The following LARGE1 variants were observed in gnomAD, a reference collection of about 807,000 sequenced individuals.
LARGE1 encodes xylosyl- and glucuronyltransferase LARGE1.
LARGE1 carries 43 observed loss-of-function variants against 87.6 expected under a neutral mutation model. The observed-to-expected ratio is 0.49, with a 90% confidence interval of 0.38 to 0.63. The LOEUF (loss-of-function observed/expected upper bound fraction) is 0.63. LARGE1 is among the 30% of genes least tolerant of loss of function. The probability of loss-of-function intolerance (pLI) is 0.00; values close to 1 mark genes in which losing one functional copy is unlikely to be tolerated. For synonymous variants in LARGE1, 434 were observed against 394.6 expected (o/e 1.10, Z -1.18); for missense variants, 802 against 1,000.2 (o/e 0.80, Z 2.67).
At chr22:33,483,814 G>T (rs1372537681) in intron 6 of LARGE1, among the ~76,000 whole-genome samples, 2 of 152,164 alleles carry the variant, frequency 1.3e-5, no homozygotes, top group Non-Finnish European at 2.9e-5. Context: ...AAGAATTGGA[G>T]ATCTGGAAGG....
intron 2 of LARGE1, among the ~76,000 whole-genome samples, chr22:33,689,021 T>C (rs1460375585): frequency 2.0e-5 from 3 of 152,180 alleles, no homozygotes; most frequent in Non-Finnish European, 4.4e-5. Context: ...ACATTAAGTA[T>C]CAAGCCCTGG....
chr22:33,700,655 T>C (rs1184806933), intron 2 of LARGE1, among the ~76,000 whole-genome samples: 1 of 151,954 alleles, frequency 6.6e-6, no homozygotes, highest in Non-Finnish European at 1.5e-5. Flanking sequence ...ACAGTCCCTC[T>C]CCCCCAAATG....
rs185230092 is a variant in LARGE1 at position 33,386,611 on chromosome 22, A to G, written c.893-2307T>C. 1.4e-3 allele frequency among the ~76,000 whole-genome samples: 202 copies of G among 149,044 alleles called. 8 individuals carry two copies. Among genetic ancestry groups the G allele is most frequent in the Non-Finnish European group, 5.0e-4 (33 of 66,566 alleles). On this transcript the variant is annotated intron_variant, in intron 7 of 14. Coordinates refer to ENST00000397394, the MANE Select transcript of LARGE1 (RefSeq NM_133642.5). Reference sequence around the variant, plus strand: ...TGGCTAATTTCAAGCTAGCAATATCATATCACTGAATATGGAGTTGGGGAG... The same window carrying G: ...TGGCTAATTTCAAGCTAGCAATATCGTATCACTGAATATGGAGTTGGGGAG...
chr22:33,463,763 C>A (rs955083051), intron 6 of LARGE1, among the ~76,000 whole-genome samples: 1 of 152,162 alleles, frequency 6.6e-6, no homozygotes, highest in East Asian at 1.9e-4. Flanking sequence ...ACCTCCGCCT[C>A]CCAGGTTCAA....
At chr22:33,882,029 G>GT (rs1279760365) in intron 1 of LARGE1, among the ~76,000 whole-genome samples, 23 of 137,354 alleles carry the variant, frequency 1.7e-4, no homozygotes, top group African/African-American at 6.8e-4. Flanking sequence ...GGGTTTTTTT[G>GT]TTTTTGTTTT....
intron 6 of LARGE1, among the ~76,000 whole-genome samples, chr22:33,511,034 G>C (rs1043716662): frequency 1.3e-5 from 2 of 152,226 alleles, no homozygotes; most frequent in Non-Finnish European, 2.9e-5. Flanking sequence ...CTGTATTGTC[G>C]GGCAATCCAT....
chr22:33,549,728 T>C (rs2077468465), intron 6 of LARGE1, among the ~76,000 whole-genome samples: 1 of 152,182 alleles, frequency 6.6e-6, no homozygotes, highest in Non-Finnish European at 1.5e-5. Context: ...AAAGAGCACA[T>C]GGATCGTGGA....
intron 2 of LARGE1, among the ~76,000 whole-genome samples, chr22:33,730,119 CCT>C (rs1569411549): frequency 2.0e-5 from 3 of 152,190 alleles, no homozygotes; most frequent in East Asian, 3.9e-4. Flanking sequence ...CTCTGCCACC[CCT>C]GAGACAGCAA....
chr22:33,804,146 C>A (rs2086243430), intron 1 of LARGE1, among the ~76,000 whole-genome samples: 1 of 152,168 alleles, frequency 6.6e-6, no homozygotes, highest in African/African-American at 2.4e-5. Flanking sequence ...CTTAGAAAGG[C>A]CTGCTTAACA....
downstream of LARGE1, among the ~76,000 whole-genome samples, chr22:33,271,440 C>A (rs1928238593): frequency 6.6e-6 from 1 of 152,200 alleles, no homozygotes; most frequent in Non-Finnish European, 1.5e-5. Flanking sequence ...TCGGTGAACT[C>A]ATGCCTGCCA....
chr22:33,878,372 G>A (rs181475141), intron 1 of LARGE1, among the ~76,000 whole-genome samples: 7 of 151,484 alleles, frequency 4.6e-5, no homozygotes, highest in East Asian at 1.9e-4. Context: ...CTTGTGATCC[G>A]CCCGCCTCAG....
downstream of LARGE1, among the ~76,000 whole-genome samples, chr22:33,269,878 G>A (rs529976979): frequency 1.0e-3 from 156 of 151,916 alleles, no homozygotes; most frequent in Admixed American, 2.4e-3. Flanking sequence ...GGTGGCGGGC[G>A]CCTGTAGTCC....
chr22:33,375,631 G>A (rs776944861), intron 9 of LARGE1, among the ~76,000 whole-genome samples: 4 of 152,190 alleles, frequency 2.6e-5, no homozygotes, highest in Non-Finnish European at 5.9e-5. Context: ...TAGAGTAGAT[G>A]AATAAAAATT....
downstream of LARGE1, among the ~76,000 whole-genome samples, chr22:33,269,396 A>T (rs1185510168): frequency 6.6e-6 from 1 of 152,224 alleles, no homozygotes; most frequent in Non-Finnish European, 1.5e-5. Context: ...CACTTACATG[A>T]AAGTAGACTG....
intron 5 of LARGE1, among the ~76,000 whole-genome samples, chr22:33,599,500 A>T (rs995325325): frequency 2.6e-5 from 4 of 152,190 alleles, no homozygotes; most frequent in Admixed American, 6.5e-5. Context: ...AACATTGGGA[A>T]GACCAATGAG....
At chr22:33,676,008 T>C (rs2081566733) in intron 2 of LARGE1, among the ~76,000 whole-genome samples, 1 of 151,690 alleles carries the variant, frequency 6.6e-6, no homozygotes, top group Non-Finnish European at 1.5e-5. Flanking sequence ...GGTTTTCTTT[T>C]TTTTTTTAAG....
intron 6 of LARGE1, among the ~76,000 whole-genome samples, chr22:33,542,091 G>C: frequency 6.7e-6 from 1 of 150,312 alleles, no homozygotes; most frequent in East Asian, 2.0e-4. Context: ...GAACCAAGGA[G>C]GTAGAGGTTG....
At chr22:33,137,951 G>A in the LARGE1 span, among the ~76,000 whole-genome samples, 1 of 152,176 alleles carries the variant, frequency 6.6e-6, no homozygotes, top group Admixed American at 6.5e-5. Context: ...ATGTTGGGTG[G>A]GAGCCCCCAC....
chr22:33,541,889 G>A (rs2077221374), intron 6 of LARGE1, among the ~76,000 whole-genome samples: 1 of 152,102 alleles, frequency 6.6e-6, no homozygotes, highest in South Asian at 2.1e-4. Flanking sequence ...AAGGCTGGGT[G>A]CAGTGGCTCA....
Sources: allele counts gnomAD v4.1 joint callset (sites outside exome capture counted in the v4.1 genomes callset), GRCh38; gene constraint gnomAD v4.1.1; transcripts MANE v1.5; gene names NCBI Gene and HGNC (gene_info 2026-07-23, HGNC 2026-07-21).